The following CHST11 variants were observed in gnomAD, a reference collection of about 807,000 sequenced individuals.
CHST11 encodes carbohydrate sulfotransferase 11, also known as C4S-1.
CHST11 carries 9 observed loss-of-function variants against 30.4 expected under a neutral mutation model. That is an observed-to-expected ratio of 0.30 (90% confidence interval 0.18 to 0.52). The LOEUF is 0.52. Among genes scored for constraint, CHST11 ranks in the 20% least tolerant of loss-of-function variants. The pLI is 0.97. For synonymous variants in CHST11, 152 were observed against 187.8 expected, an observed-to-expected ratio of 0.81 and a Z score of 1.56; for missense variants, 348 against 460.6, an observed-to-expected ratio of 0.76 and a Z score of 2.24.
In CHST11 at chr12:104,750,454, T is replaced by TTTTTTTTTTTTTTTTTTTTTTTTTTG. The variant is rs1566064735; in HGVS notation, c.205-6493_205-6492insTTTTTTTTTTTTTTTTTTTTTTTGTT. ...TTTTTTTTTTTTTTTTTTTTTTTTT[T>TTTTTTTTTTTTTTTTTTTTTTTTTTG]TTGTTGAGACTGAGTCTCGCTCTGT... On this transcript the variant is annotated intron_variant, in intron 2 of 2. Coordinates refer to ENST00000303694, the MANE Select transcript of CHST11 (RefSeq NM_018413.6). 1.6e-5 allele frequency among the ~76,000 whole-genome samples: 2 copies of TTTTTTTTTTTTTTTTTTTTTTTTTTG among 122,162 alleles called. 1 individual carries two copies. The highest frequency in any genetic ancestry group is 3.3e-5 in the Non-Finnish European group (2 of 59,964). The allele number at this position is 122,162 out of a possible 152,430, so 80.1% of individuals were successfully genotyped here.
At chr12:104,605,429 AT>A (rs2038995318) in intron 2 of CHST11, among the ~76,000 whole-genome samples, 1 of 152,142 alleles carries the variant, frequency 6.6e-6, no homozygotes, top group African/African-American at 2.4e-5. Context: ...AATACAAAAA[AT>A]TCTATGGGCG....
chr12:104,714,017 C>A (rs2040109311), intron 2 of CHST11, among the ~76,000 whole-genome samples: 1 of 152,182 alleles, frequency 6.6e-6, no homozygotes, highest in Non-Finnish European at 1.5e-5. Context: ...TCTAAAGATG[C>A]CTCCTGGGTA....
intron 1 of CHST11, among the ~76,000 whole-genome samples, chr12:104,472,915 A>G (rs1223540687): frequency 6.6e-6 from 1 of 152,132 alleles, no homozygotes; most frequent in Non-Finnish European, 1.5e-5. Context: ...AAGACATTCC[A>G]GGTGAGGACG....
intron 2 of CHST11, among the ~76,000 whole-genome samples, chr12:104,671,388 G>A (rs2136095782): frequency 6.6e-6 from 1 of 152,278 alleles, no homozygotes; most frequent in South Asian, 2.1e-4. Context: ...GTCAGTATTT[G>A]CCCTGATTCT....
chr12:104,704,369 G>A (rs2040015228), intron 2 of CHST11, among the ~76,000 whole-genome samples: 1 of 152,206 alleles, frequency 6.6e-6, no homozygotes, highest in African/African-American at 2.4e-5. Context: ...GAGGCTGCAG[G>A]TGAGGGAGGA....
At chr12:104,544,768 G>GCCCCCCCCCCCCCCCCCCCC (rs1555231405) in intron 1 of CHST11, among the ~76,000 whole-genome samples, 1 of 51,938 alleles carries the variant, frequency 1.9e-5, no homozygotes, top group Admixed American at 2.7e-4. Context: ...GGGGGTCACA[G>GCCCCCCCCCCCCCCCCCCCC]TCCCCCCACC....
intron 1 of CHST11, among the ~76,000 whole-genome samples, chr12:104,525,082 A>G (rs547299538): frequency 1.3e-5 from 2 of 149,906 alleles, no homozygotes; most frequent in African/African-American, 2.4e-5. Flanking sequence ...AAGGTATCCA[A>G]TGGAATTCTT....
chr12:104,579,534 A>G (rs2038718714), intron 1 of CHST11, among the ~76,000 whole-genome samples: 1 of 152,222 alleles, frequency 6.6e-6, no homozygotes, highest in Admixed American at 6.5e-5. Flanking sequence ...TGAAACAGGC[A>G]TTCGTTATTA....
In CHST11 at chr12:104,602,139, C is replaced by G. The variant is rs568082888; in HGVS notation, c.204+148C>G. On this transcript the variant is annotated intron_variant, in intron 2 of 2. Coordinates refer to ENST00000303694, the MANE Select transcript of CHST11 (RefSeq NM_018413.6). ...TTCAGTGGTTGCTTTCTCCGTCACC[C>G]TTTTTCTATGTAGCATCTCTGAAAA... 6 of 627,156 alleles carry G rather than the reference C, an allele frequency of 9.6e-6. No homozygotes were observed. The African/African-American group carries it at 1.1e-4, about 12-fold the overall frequency. 38.8% of individuals were successfully genotyped at this position (627,156 alleles called of 1,614,324 possible). A position where few individuals can be genotyped will look rare whatever the true frequency, so the allele number is the denominator to read the frequency against.
intron 2 of CHST11, among the ~76,000 whole-genome samples, chr12:104,744,510 G>A (rs547511801): frequency 1.1e-4 from 17 of 152,148 alleles, no homozygotes; most frequent in African/African-American, 3.1e-4. Flanking sequence ...GACCTTTGTC[G>A]GATGCATAGT....
chr12:104,544,914 G>A (rs761603973), intron 1 of CHST11, among the ~76,000 whole-genome samples: 5 of 151,968 alleles, frequency 3.3e-5, no homozygotes, highest in Non-Finnish European at 5.9e-5. Context: ...ATGTCGTTTC[G>A]AAGTATGCCA....
At chr12:104,568,261 G>A (rs542597170) in intron 1 of CHST11, among the ~76,000 whole-genome samples, 1 of 152,294 alleles carries the variant, frequency 6.6e-6, no homozygotes, top group South Asian at 2.1e-4. Flanking sequence ...GCTGCAGTGT[G>A]TTGTTGCTGC....
rs531667243 is a variant in CHST11 at position 104,676,807 on chromosome 12, G to A, written c.204+74816G>A. Among the ~76,000 whole-genome samples the A allele has an allele frequency of 4.6e-5, 7 of 152,306 alleles. No homozygotes were observed. In the South Asian group the frequency reaches 1.4e-3, roughly 32 times the overall value. On this transcript the variant is annotated intron_variant, in intron 2 of 2. Coordinates refer to ENST00000303694, the MANE Select transcript of CHST11 (RefSeq NM_018413.6). The surrounding 1 kb of genome is among the most constrained non-coding windows in gnomAD (Gnocchi z 4.4). ...TACCGCAGCTGCAAATTCTCCTTTT[G>A]CCATGGAAGGTCACATTCACAGGTT...
chr12:104,518,327 C>T (rs1432981178), intron 1 of CHST11, among the ~76,000 whole-genome samples: 3 of 152,008 alleles, frequency 2.0e-5, no homozygotes, highest in African/African-American at 7.2e-5. Context: ...TTTGAGTTAG[C>T]AAGTATGACA....
intron 1 of CHST11, chr12:104,552,999 T>A (rs1221784557): frequency 6.6e-6 from 1 of 152,206 alleles, no homozygotes; most frequent in Non-Finnish European, 1.5e-5. Context: ...AACTGTGGTG[T>A]TGAAAAGCAG....
chr12:104,544,215 G>C (rs1966076), intron 1 of CHST11, among the ~76,000 whole-genome samples: 10,990 of 150,312 alleles, frequency 0.073, 484 homozygotes, highest in Middle Eastern at 0.14. Flanking sequence ...CTCATACATA[G>C]AATTTTTGAT....
At chr12:104,546,403 G>A (rs556101761) in intron 1 of CHST11, among the ~76,000 whole-genome samples, 148 of 151,544 alleles carry the variant, frequency 9.8e-4, no homozygotes, top group African/African-American at 3.4e-3. Flanking sequence ...AGGAGCTCAA[G>A]GTTGCAGTGA....
intron 1 of CHST11, among the ~76,000 whole-genome samples, chr12:104,517,056 A>G (rs1455502908): frequency 2.0e-5 from 3 of 152,096 alleles, no homozygotes; most frequent in Non-Finnish European, 2.9e-5. Flanking sequence ...CCTCTCCATC[A>G]TAGCTGTTAC....
At chr12:104,507,531 G>A (rs1388253497) in intron 1 of CHST11, among the ~76,000 whole-genome samples, 1 of 152,184 alleles carries the variant, frequency 6.6e-6, no homozygotes, top group East Asian at 1.9e-4. Context: ...TGGTAATGGT[G>A]GCAATAGTAC....
Sources: allele counts gnomAD v4.1 joint callset (sites outside exome capture counted in the v4.1 genomes callset), GRCh38; gene constraint gnomAD v4.1.1; non-coding constraint Gnocchi (gnomAD v3.1); transcripts MANE v1.5; gene names NCBI Gene and HGNC (gene_info 2026-07-23, HGNC 2026-07-21).